The following TTC12 variants were observed in gnomAD, a reference collection of about 807,000 sequenced individuals.
The protein encoded by TTC12 is tetratricopeptide repeat domain 12.
In TTC12, 70 loss-of-function variants were observed where a neutral mutation model predicts 90.1. The observed-to-expected ratio is 0.78, with a 90% confidence interval of 0.64 to 0.95. The LOEUF is 0.95. Ranked by LOEUF, TTC12 falls within the 40% of genes least tolerant of loss-of-function variation. The pLI, the probability that TTC12 is intolerant of heterozygous loss-of-function variation, is 0.00. For missense variants in TTC12, 819 were observed against 846.1 expected, an observed-to-expected ratio of 0.97 and a Z score of 0.40; for synonymous variants, 296 against 311.5, an observed-to-expected ratio of 0.95 and a Z score of 0.53.
intron 17 of TTC12, 53 bp downstream of exon 17, chr11:113,359,514 C>T: frequency 1.6e-6 from 2 of 1,226,738 alleles, no homozygotes; most frequent in Non-Finnish European, 1.2e-6. Context: ...TGTACACATT[C>T]TGTGGCATAA....
intron 7 of TTC12, among the ~76,000 whole-genome samples, chr11:113,332,351 A>G (rs1948112998): frequency 6.6e-6 from 1 of 152,208 alleles, no homozygotes; most frequent in South Asian, 2.1e-4. Context: ...GAGGAAGGCA[A>G]AGTCACAACT....
intron 6 of TTC12, among the ~76,000 whole-genome samples, chr11:113,329,390 C>G (rs1388711768): frequency 6.6e-6 from 1 of 152,200 alleles, no homozygotes; most frequent in Admixed American, 6.5e-5. Flanking sequence ...CTCTGTCCCT[C>G]TAGATCCTTC....
At chr11:113,372,149 G>C (rs1290936293) in intron 21 of TTC12, among the ~76,000 whole-genome samples, 1 of 152,238 alleles carries the variant, frequency 6.6e-6, no homozygotes, top group Admixed American at 6.5e-5. Context: ...AGAGAATCTA[G>C]ATGGAACACA....
Position 113,329,921 on chromosome 11 carries a change from C to T in TTC12, c.446C>T (p.Ala149Val), listed in dbSNP as rs1276369695. 6.2e-7 allele frequency: 1 copy of T among 1,613,282 alleles called. No individual in the cohort carries two copies. The highest frequency in any genetic ancestry group is 8.5e-7 in the Non-Finnish European group (1 of 1,179,246). The stretch of plus-strand genomic sequence containing the variant: ...TATCAGCTGTTGGTTTCATTACAGG[C>T]TTATATGAAACTTGAGGACTATGAG... ...MKVLYTNRAQ[A>V]YMKLEDYEKA... The change falls in exon 7 of 22, where the codon GCT becomes GTT. Residue 149 changes from alanine to valine, a missense_variant and splice_region_variant. Ala to Val is a moderately conservative substitution (Grantham distance 64). Coordinates refer to ENST00000529221, the MANE Select transcript of TTC12 (RefSeq NM_017868.4).
downstream of TTC12, among the ~76,000 whole-genome samples, chr11:113,370,396 T>C (rs185789225): frequency 0.017 from 2,569 of 152,312 alleles, 48 homozygotes; most frequent in Admixed American, 0.03. Context: ...AGAGGAGTGC[T>C]AGCCCAGCGG....
At chr11:113,339,550 G>T (rs2137989337) in intron 10 of TTC12, 76 bp downstream of exon 10, 1 of 1,309,388 alleles carries the variant, frequency 7.6e-7, no homozygotes, top group Non-Finnish European at 1.1e-6. Flanking sequence ...CCTTTACCAG[G>T]CCAAGAATCC....
intron 18 of TTC12, among the ~76,000 whole-genome samples, chr11:113,360,905 G>A (rs1286450748): frequency 6.6e-6 from 1 of 152,224 alleles, no homozygotes; most frequent in Non-Finnish European, 1.5e-5. Flanking sequence ...ACGGGGCATC[G>A]TAGCTTTCAT....
At chr11:113,369,545 T>C (rs1164323683), downstream of TTC12, among the ~76,000 whole-genome samples, 2 of 151,830 alleles carry the variant, frequency 1.3e-5, no homozygotes, top group Non-Finnish European at 2.9e-5. Context: ...TACAGGTAAA[T>C]AAGATAAAAA....
chr11:113,323,260 A>T, intron 2 of TTC12, 28 bp from the exon 3 acceptor site: 1 of 1,536,078 alleles, frequency 6.5e-7, no homozygotes, highest in Non-Finnish European at 8.7e-7. Flanking sequence ...ATCTTGTTTG[A>T]TTAAGTCACA....
At chr11:113,373,047 G>A (rs755475845) in intron 21 of TTC12, 3 of 207,870 alleles carry the variant, frequency 1.4e-5, no homozygotes, top group Non-Finnish European at 2.5e-5. Flanking sequence ...AAAAATGATA[G>A]GTATCTCCTG....
At chr11:113,328,384 A>G (rs1565580229) in intron 6 of TTC12, among the ~76,000 whole-genome samples, 1 of 152,198 alleles carries the variant, frequency 6.6e-6, no homozygotes, top group Non-Finnish European at 1.5e-5. Context: ...CCTTAGAAAC[A>G]TTGAACTAAG....
intron 10 of TTC12, 44 bp from the exon 11 acceptor site, chr11:113,340,620 G>A (rs200346369): frequency 2.0e-6 from 3 of 1,522,244 alleles, no homozygotes; most frequent in Non-Finnish European, 2.7e-6. Context: ...ACACCAGCCA[G>A]CCAGTTTGGG....
At position 113,325,643 on chromosome 11, in the gene TTC12, C is replaced by T; in HGVS notation, c.442C>T (p.Gln148Ter). The T allele has an allele frequency of 6.2e-7, 1 of 1,613,828 alleles. No homozygotes were observed. Among genetic ancestry groups the T allele is most frequent in the Non-Finnish European group, 8.5e-7 (1 of 1,179,784 alleles). ...DMKVLYTNRA[Q>*]AYMKLEDYEK... Reference sequence around the variant, plus strand: ...GAAAGTGCTGTACACCAACCGAGCCCAGGTCAGTGAGGCAGGGATGTATCC... The same window carrying T: ...GAAAGTGCTGTACACCAACCGAGCCTAGGTCAGTGAGGCAGGGATGTATCC... The change falls in exon 6 of 22, where the codon CAG (glutamine) becomes TAG (stop). Residue 148 changes from glutamine to a stop codon, truncating the protein, a stop_gained and splice_region_variant. Coordinates refer to ENST00000529221, the MANE Select transcript of TTC12 (RefSeq NM_017868.4). LOFTEE classifies it high-confidence loss of function.
chr11:113,330,118 T>A (rs1947954778), intron 7 of TTC12, 139 bp downstream of exon 7: 1 of 703,162 alleles, frequency 1.4e-6, no homozygotes, highest in African/African-American at 1.8e-5. Context: ...TGGGATAGAA[T>A]AGAATTGTTA....
At chr11:113,315,720 T>C (rs1168852246) in intron 1 of TTC12, among the ~76,000 whole-genome samples, 1 of 152,236 alleles carries the variant, frequency 6.6e-6, no homozygotes, top group Admixed American at 6.5e-5. Flanking sequence ...AACATTATGT[T>C]CTAATCCCTT....
chr11:113,329,600 C>T (rs942272622), intron 6 of TTC12: 14 of 492,422 alleles, frequency 2.8e-5, no homozygotes, highest in Non-Finnish European at 4.8e-5. Context: ...TGTCCTCCCA[C>T]ATTTTGTTCA....
chr11:113,319,553 A>G (rs900421602), intron 2 of TTC12, among the ~76,000 whole-genome samples: 10 of 152,204 alleles, frequency 6.6e-5, no homozygotes, highest in Admixed American at 2.0e-4. Flanking sequence ...TTTTTAAAAT[A>G]TTCTATGCAG....
At chr11:113,360,336 C>A (rs1188412927) in intron 18 of TTC12, among the ~76,000 whole-genome samples, 1 of 152,032 alleles carries the variant, frequency 6.6e-6, no homozygotes, top group African/African-American at 2.4e-5. Flanking sequence ...TCCGATCTGT[C>A]CTATTTCAAA....
intron 8 of TTC12, among the ~76,000 whole-genome samples, chr11:113,337,628 C>T (rs1266585776): frequency 6.6e-6 from 1 of 152,052 alleles, no homozygotes; most frequent in Non-Finnish European, 1.5e-5. Context: ...AGGACTTTGG[C>T]TTTTACTTTG....
Sources: allele counts gnomAD v4.1 joint callset (sites outside exome capture counted in the v4.1 genomes callset), GRCh38; gene constraint gnomAD v4.1.1; transcripts MANE v1.5; gene names NCBI Gene and HGNC (gene_info 2026-07-23, HGNC 2026-07-21).